SGSM1: variants seen among roughly 807,000 people sequenced by gnomAD.
SGSM1 encodes RUN and TBC1 domain containing 2.
A neutral mutation model predicts 133.8 loss-of-function variants in SGSM1; 73 were observed. The ratio of observed to expected loss-of-function variants is 0.55; its 90% CI spans 0.45 to 0.66. SGSM1 has a LOEUF of 0.66. Among genes scored for constraint, SGSM1 ranks in the 30% least tolerant of loss-of-function variants. The pLI is 0.00. For synonymous variants in SGSM1, 563 were observed against 573.0 expected, an observed-to-expected ratio of 0.98 and a Z score of 0.25; for missense variants, 1,213 against 1,448.1, an observed-to-expected ratio of 0.84 and a Z score of 2.64.
At chr22:24,842,810 G>A (rs2147830411) in intron 2 of SGSM1, among the ~76,000 whole-genome samples, 1 of 152,340 alleles carries the variant, frequency 6.6e-6, no homozygotes, top group East Asian at 1.9e-4. Context: ...ACATTTATTT[G>A]CAGCACATTT....
chr22:24,830,134 T>G (rs16979019), intron 2 of SGSM1, among the ~76,000 whole-genome samples: 7,436 of 152,252 alleles, frequency 0.049, 631 homozygotes, highest in African/African-American at 0.17. Context: ...CCTGTTACCC[T>G]CCTTGCTAAT....
intron 2 of SGSM1, among the ~76,000 whole-genome samples, chr22:24,831,734 C>A (rs974111785): frequency 3.3e-5 from 5 of 152,246 alleles, no homozygotes; most frequent in Non-Finnish European, 7.3e-5. Context: ...AGCGGAGACA[C>A]CTGCCTATGG....
chr22:24,901,260 G>C (rs1276312414), intron 19 of SGSM1: 1 of 152,072 alleles, frequency 6.6e-6, no homozygotes, highest in Non-Finnish European at 1.5e-5. Flanking sequence ...GGTTTTTCTA[G>C]TTTTCCCTTT....
In SGSM1 at chr22:24,924,338, C is replaced by A; in HGVS notation, c.*64C>A. ...TGCCCCGCTCCTCTGCTTACTTTTC[C>A]TCCTGGCTGGATGGGCACCCCGGGA... On this transcript the variant is annotated 3_prime_UTR_variant, in exon 25 of 25. Transcript: ENST00000400358. The A allele has an allele frequency of 6.7e-7, 1 of 1,489,486 alleles. No homozygotes were observed. The highest frequency in any genetic ancestry group is 9.3e-7 in the Non-Finnish European group (1 of 1,072,592). The allele number at this position is 1,489,486 out of a possible 1,614,324, so 92.3% of individuals were successfully genotyped here.
intron 2 of SGSM1, among the ~76,000 whole-genome samples, chr22:24,831,354 T>C (rs1212292751): frequency 3.3e-5 from 5 of 152,032 alleles, no homozygotes; most frequent in South Asian, 2.1e-4. Context: ...GTCTGAGTTA[T>C]CCTGAGTTGG....
At chr22:24,923,708 C>T (rs5752020) in intron 24 of SGSM1, among the ~76,000 whole-genome samples, 30,415 of 151,982 alleles carry the variant, frequency 0.2, 3,942 homozygotes, top group East Asian at 0.57. Flanking sequence ...CCACAAGCTC[C>T]GCCTCCTGGG....
intron 9 of SGSM1, among the ~76,000 whole-genome samples, chr22:24,862,353 T>C (rs1931206407): frequency 6.6e-6 from 1 of 152,174 alleles, no homozygotes; most frequent in Admixed American, 6.5e-5. Context: ...GTCTAAAGCC[T>C]TCTTTGACCT....
intron 12 of SGSM1, among the ~76,000 whole-genome samples, chr22:24,875,568 A>T (rs532919324): frequency 6.6e-6 from 1 of 151,862 alleles, no homozygotes; most frequent in Admixed American, 6.6e-5. Context: ...TGAACCCAGG[A>T]GGCGGAGCTT....
chr22:24,861,740 G>A (rs943426404), intron 9 of SGSM1, among the ~76,000 whole-genome samples: 1 of 151,528 alleles, frequency 6.6e-6, no homozygotes, highest in East Asian at 2.0e-4. Context: ...TAGATACGGG[G>A]TTTCATCGTG....
chr22:24,895,490 A>G (rs1219514447), intron 18 of SGSM1, among the ~76,000 whole-genome samples, 199 bp downstream of exon 18: 1 of 152,224 alleles, frequency 6.6e-6, no homozygotes, highest in Non-Finnish European at 1.5e-5. Flanking sequence ...GCAAAAAACT[A>G]AAACATTGTA....
At chr22:24,909,068 C>T (rs1234148562) in intron 21 of SGSM1, among the ~76,000 whole-genome samples, 2 of 152,136 alleles carry the variant, frequency 1.3e-5, no homozygotes, top group African/African-American at 4.8e-5. Flanking sequence ...ATTAAATTCT[C>T]ATAGGAGCGT....
At chr22:24,919,034 C>T (rs1467032568) in intron 23 of SGSM1, among the ~76,000 whole-genome samples, 1 of 149,052 alleles carries the variant, frequency 6.7e-6, no homozygotes, top group African/African-American at 2.5e-5. Context: ...AGCCACCACA[C>T]CCGGCCTTTT....
chr22:24,875,303 G>A (rs73155793), intron 12 of SGSM1, among the ~76,000 whole-genome samples: 2,889 of 152,286 alleles, frequency 0.019, 57 homozygotes, highest in East Asian at 0.093. Flanking sequence ...AAAGCCAAAA[G>A]GAGAGTAATA....
intron 9 of SGSM1, among the ~76,000 whole-genome samples, chr22:24,866,636 G>A (rs957678344): frequency 2.0e-5 from 3 of 152,176 alleles, no homozygotes; most frequent in Admixed American, 6.5e-5. Flanking sequence ...AGGCATAGTC[G>A]CTTCCATCTT....
chr22:24,903,371 G>A (rs1933234630), intron 20 of SGSM1, among the ~76,000 whole-genome samples: 1 of 151,860 alleles, frequency 6.6e-6, no homozygotes, highest in South Asian at 2.1e-4. Flanking sequence ...GCCAGGCCCG[G>A]CTAATTTTTT....
intron 2 of SGSM1, among the ~76,000 whole-genome samples, chr22:24,811,867 T>TAAA (rs1181803657): frequency 6.6e-5 from 4 of 60,790 alleles, no homozygotes; most frequent in South Asian, 4.6e-4. Context: ...AGACCCTGTC[T>TAAA]CAAAAAAAAA....
At chr22:24,871,243 C>T (rs936908347) in intron 12 of SGSM1, among the ~76,000 whole-genome samples, 2 of 152,100 alleles carry the variant, frequency 1.3e-5, no homozygotes, top group Admixed American at 6.6e-5. Flanking sequence ...GCTTGAGAAC[C>T]GTTGGTTTAG....
Position 24,868,746 on chromosome 22 carries a change from CA to C in SGSM1, c.1184del (p.Lys395SerfsTer41), listed in dbSNP as rs1569155849. ...AGGGCAAAGTGTTTCCTAAACTGCG[CA>C]AGCGAAGCCCTCAGGGTTCTGCCGA... ...GKGKVFPKLR[K>X]RSPQGSAEST... is the part of the protein sequence containing the mutation. On this transcript the variant is annotated frameshift_variant, in exon 12 of 25. Transcript: ENST00000400358. LOFTEE classifies it high-confidence loss of function. 1 of 1,613,992 alleles carries C rather than the reference CA, an allele frequency of 6.2e-7. No individual in the cohort carries two copies. Among genetic ancestry groups the C allele is most frequent in the East Asian group, 2.2e-5 (1 of 44,880 alleles).
chr22:24,840,869 A>G (rs1929748103), intron 2 of SGSM1, among the ~76,000 whole-genome samples: 2 of 151,514 alleles, frequency 1.3e-5, no homozygotes, highest in African/African-American at 2.4e-5. Context: ...TTTGTTTTTT[A>G]AGACGGAGTC....
Sources: gnomAD v4.1 joint callset for allele counts (sites outside exome capture counted in the v4.1 genomes callset) on GRCh38, gnomAD v4.1.1 for gene constraint, MANE v1.5 for transcripts, NCBI Gene and HGNC (gene_info 2026-07-23, HGNC 2026-07-21) for gene names.